Variants in CAMTA1 observed in about 807,000 individuals in gnomAD.
CAMTA1 encodes the protein calmodulin-binding transcription activator 1.
Under a neutral mutation model 170.9 loss-of-function variants are expected in CAMTA1, and 27 were observed. The observed-to-expected ratio is 0.16, with a 90% CI of 0.12 to 0.22. CAMTA1 has a LOEUF of 0.22. CAMTA1 is among the 10% of genes least tolerant of loss of function. The pLI is 1.00. For missense variants in CAMTA1, 1,619 were observed against 2,217.2 expected (o/e 0.73, Z 5.42); for synonymous variants, 833 against 891.5 (o/e 0.93, Z 1.17).
intron 5 of CAMTA1, among the ~76,000 whole-genome samples, chr1:7,313,706 G>A (rs946013025): frequency 9.2e-5 from 14 of 152,224 alleles, no homozygotes; most frequent in Admixed American, 2.0e-4. Context: ...TTTAAAATAT[G>A]ATACATATTA....
chr1:7,076,365 A>G (rs1460039000), intron 3 of CAMTA1, among the ~76,000 whole-genome samples: 1 of 152,206 alleles, frequency 6.6e-6, no homozygotes, highest in African/African-American at 2.4e-5. Context: ...CAAGGTTTTC[A>G]GGAAGATATA....
chr1:7,366,623 C>G (rs962203093), intron 5 of CAMTA1, among the ~76,000 whole-genome samples: 1 of 152,236 alleles, frequency 6.6e-6, no homozygotes, highest in Non-Finnish European at 1.5e-5. Flanking sequence ...CTTCCCACCC[C>G]ACTGATGTGT....
intron 5 of CAMTA1, among the ~76,000 whole-genome samples, chr1:7,359,121 A>G (rs1186330461): frequency 4.6e-5 from 7 of 152,166 alleles, no homozygotes; most frequent in Admixed American, 3.3e-4. Flanking sequence ...CAGGTGGAAG[A>G]GTCCTTTGTG....
intron 22 of CAMTA1, among the ~76,000 whole-genome samples, chr1:7,766,115 C>G (rs72853886): frequency 3.3e-5 from 5 of 151,556 alleles, no homozygotes; most frequent in African/African-American, 1.2e-4. Context: ...TGGTGGTCCA[C>G]GAGACTAAAA....
At chr1:6,839,891 C>T (rs1014093906) in intron 3 of CAMTA1, among the ~76,000 whole-genome samples, 3 of 152,092 alleles carry the variant, frequency 2.0e-5, no homozygotes, top group Admixed American at 1.3e-4. Context: ...CTTGTTGTGC[C>T]AAGTAGGCAT....
intron 6 of CAMTA1, among the ~76,000 whole-genome samples, chr1:7,498,593 A>G (rs2149762381): frequency 6.6e-6 from 1 of 151,962 alleles, no homozygotes; most frequent in Non-Finnish European, 1.5e-5. Flanking sequence ...ATGTGTGTGT[A>G]CGTGTGAGTG....
chr1:7,428,779 A>T (rs567914401), intron 5 of CAMTA1, among the ~76,000 whole-genome samples: 66 of 147,716 alleles, frequency 4.5e-4, no homozygotes, highest in African/African-American at 1.6e-3. Flanking sequence ...CCTGAGTGCC[A>T]CGTCTTGTAT....
intron 1 of CAMTA1, among the ~76,000 whole-genome samples, chr1:6,791,269 A>C (rs1641031491): frequency 6.6e-6 from 1 of 151,886 alleles, no homozygotes; most frequent in South Asian, 2.1e-4. Context: ...GATGTACTGT[A>C]TTTGTAGCCT....
intron 1 of CAMTA1, among the ~76,000 whole-genome samples, chr1:6,809,723 G>T (rs936441430): frequency 5.9e-5 from 9 of 152,134 alleles, no homozygotes; most frequent in Admixed American, 4.6e-4. Context: ...AATGCCACCA[G>T]AGGGGAGAGA....
intron 3 of CAMTA1, among the ~76,000 whole-genome samples, chr1:6,847,492 G>A (rs145084667): frequency 4.7e-4 from 72 of 151,940 alleles, no homozygotes; most frequent in African/African-American, 1.7e-3. Context: ...AGGTTAGAGA[G>A]TAGCAGCTAG....
At chr1:7,238,398 A>T (rs1223392915) in intron 4 of CAMTA1, among the ~76,000 whole-genome samples, 1 of 152,326 alleles carries the variant, frequency 6.6e-6, no homozygotes, top group East Asian at 1.9e-4. Flanking sequence ...TCTAAAATGG[A>T]TATAAGAGCA....
Position 7,767,564 on chromosome 1 carries a change from G to A in CAMTA1, c.*1073G>A, listed in dbSNP as rs1035263971. ...ATATTTGAAAGGGATTATATTAATT[G>A]CTAAATATTTTATTCACAAAGGTCA... On this transcript the variant is annotated 3_prime_UTR_variant, in exon 23 of 23. Coordinates refer to ENST00000303635, the MANE Select transcript of CAMTA1 (RefSeq NM_015215.4). The A allele has an allele frequency of 2.0e-5, 3 of 152,628 alleles. No homozygotes were observed. The highest frequency in any genetic ancestry group is 7.2e-5 in the African/African-American group (3 of 41,402). 9.5% of individuals were successfully genotyped at this position (152,628 alleles called of 1,614,324 possible). A position where few individuals can be genotyped will look rare whatever the true frequency, so the allele number is the denominator to read the frequency against.
intron 4 of CAMTA1, among the ~76,000 whole-genome samples, chr1:7,120,566 C>T (rs1285366366): frequency 1.3e-5 from 2 of 152,188 alleles, no homozygotes; most frequent in South Asian, 2.1e-4. Context: ...TATCCCATTG[C>T]CTTTGCCGTT....
In CAMTA1 at chr1:7,748,086, T is replaced by C. The variant is rs1476808821; in HGVS notation, c.4689+305T>C. 1.3e-5 allele frequency among the ~76,000 whole-genome samples: 2 copies of C among 152,014 alleles called. No homozygotes were observed. The highest frequency in any genetic ancestry group is 4.8e-5 in the African/African-American group (2 of 41,382). ...TGCTACCATGCCCAGCTGATTTTTC[T>C]AGTTTTAGTAGAGTCGGGGTTTCAC... is the stretch of plus-strand genomic sequence containing the variant. On this transcript the variant is annotated intron_variant, in intron 19 of 22. Coordinates refer to ENST00000303635, the MANE Select transcript of CAMTA1 (RefSeq NM_015215.4). This position sits in a 1 kb window ranked among gnomAD's most constrained non-coding sequence, Gnocchi z 4.7.
In CAMTA1 at chr1:7,547,908, C is replaced by T. The variant is rs1333364988; in HGVS notation, c.510+80007C>T. ...ACCCCCCACTCACCCGTCAATATGC[C>T]CTTATGCTGTTGTAAGGAGGATTCT... is the stretch of plus-strand genomic sequence containing the variant. On this transcript the variant is annotated intron_variant, in intron 6 of 22. Transcript: ENST00000303635. This position sits in a 1 kb window ranked among gnomAD's most constrained non-coding sequence, Gnocchi z 5.7. Among the ~76,000 whole-genome samples the T allele has an allele frequency of 2.0e-5, 3 of 152,022 alleles. No homozygotes were observed. The East Asian group carries it at 5.8e-4, about 29-fold the overall frequency.
intron 5 of CAMTA1, among the ~76,000 whole-genome samples, chr1:7,298,954 T>C (rs1674373511): frequency 1.3e-5 from 2 of 152,186 alleles, no homozygotes; most frequent in South Asian, 4.1e-4. Flanking sequence ...TGGACTCAAC[T>C]GTTTCCTTTT....
At chr1:7,139,178 ATATT>A (rs1645737980) in intron 4 of CAMTA1, among the ~76,000 whole-genome samples, 1 of 143,414 alleles carries the variant, frequency 7.0e-6, no homozygotes, top group Non-Finnish European at 1.5e-5. Flanking sequence ...AATATATAAA[ATATT>A]TAGAAAATTA....
intron 4 of CAMTA1, among the ~76,000 whole-genome samples, chr1:7,161,963 G>A (rs1286794271): frequency 3.3e-5 from 5 of 152,056 alleles, no homozygotes; most frequent in African/African-American, 4.8e-5. Flanking sequence ...TCTCTGTGTC[G>A]GCAACGTCAG....
intron 1 of CAMTA1, among the ~76,000 whole-genome samples, chr1:6,811,585 C>T (rs1421876758): frequency 6.6e-6 from 1 of 152,160 alleles, no homozygotes; most frequent in Non-Finnish European, 1.5e-5. Flanking sequence ...TTTGTTGCTT[C>T]TGATCTCTGG....
Sources: allele counts gnomAD v4.1 joint callset (sites outside exome capture counted in the v4.1 genomes callset), GRCh38; gene constraint gnomAD v4.1.1; non-coding constraint Gnocchi (gnomAD v3.1); transcripts MANE v1.5; gene names NCBI Gene and HGNC (gene_info 2026-07-23, HGNC 2026-07-21).